The following GARRE1 variants were observed in gnomAD, a reference collection of about 807,000 sequenced individuals.
GARRE1 encodes the protein granule associated Rac and RHOG effector protein 1.
A neutral mutation model predicts 103.2 loss-of-function variants in GARRE1; 49 were observed. That is an observed-to-expected ratio of 0.47 (90% CI 0.38 to 0.60). The LOEUF (loss-of-function observed/expected upper bound fraction) is 0.60. GARRE1 is among the 20% of genes least tolerant of loss of function. The pLI, the probability that GARRE1 is intolerant of heterozygous loss-of-function variation, is 0.00. For missense variants in GARRE1, 1,199 were observed against 1,370.5 expected (o/e 0.87, Z 1.98); for synonymous variants, 505 against 532.8 (o/e 0.95, Z 0.72).
rs1414127709 is a variant in GARRE1, at chr19:34,263,167, C to T, written c.-796+8553C>T. ...GGTGGAGGTTGCAGTGAGCCAAGAT[C>T]GTGCCACTGCACTCCAGCCTGGGTG... On this transcript the variant is annotated intron_variant, in intron 1 of 13. Coordinates refer to ENST00000299505, the MANE Select transcript of GARRE1 (RefSeq NM_014686.5). Among the ~76,000 whole-genome samples, 10 of 152,050 alleles carry T rather than the reference C, an allele frequency of 6.6e-5. No individual in the cohort carries two copies. The South Asian group carries it at 1.0e-3, about 16-fold the overall frequency.
In GARRE1 at chr19:34,342,039, C is replaced by T; in HGVS notation, c.2105C>T (p.Ala702Val). 2 of 1,614,094 alleles carry T rather than the reference C, an allele frequency of 1.2e-6. No individual in the cohort carries two copies. Among genetic ancestry groups the T allele is most frequent in the Non-Finnish European group, 1.7e-6 (2 of 1,180,034 alleles). Residue 702 changes from alanine (A) to valine (V), a missense_variant, in exon 10 of 14, where the codon GCA becomes GTA. Coordinates refer to ENST00000299505, the MANE Select transcript of GARRE1 (RefSeq NM_014686.5). ...PSLPVPPPPR[A>V]PQAGAHTPLT... ...CTGCCTGTGCCCCCTCCACCACGGG[C>T]ACCCCAGGCTGGGGCACACACACCT... is the stretch of plus-strand genomic sequence containing the variant.
chr19:34,271,835 A>C (rs1326911429), intron 1 of GARRE1, among the ~76,000 whole-genome samples: 2 of 150,526 alleles, frequency 1.3e-5, no homozygotes, highest in Non-Finnish European at 3.0e-5. Flanking sequence ...TCTCAAAAAC[A>C]AAAACAAAAA....
At chr19:34,348,318 C>A in intron 11 of GARRE1, 2 of 296,104 alleles carry the variant, frequency 6.8e-6, no homozygotes, top group Non-Finnish European at 1.2e-5. Context: ...AAGGCTCTTA[C>A]ATGATGGTGC....
intron 1 of GARRE1, among the ~76,000 whole-genome samples, chr19:34,290,538 C>T (rs1405897829): frequency 6.6e-6 from 1 of 152,016 alleles, no homozygotes; most frequent in Non-Finnish European, 1.5e-5. Flanking sequence ...TACTCTGTTA[C>T]CCAGGCTGGA....
intron 11 of GARRE1, 52 bp from the exon 12 acceptor site, chr19:34,348,964 G>A (rs1277748537): frequency 5.6e-6 from 9 of 1,599,298 alleles, no homozygotes; most frequent in South Asian, 1.1e-5. Flanking sequence ...GTGGGGTGGC[G>A]GGTGGTGGGG....
At chr19:34,260,030 T>C (rs2073706232) in intron 1 of GARRE1, among the ~76,000 whole-genome samples, 1 of 152,226 alleles carries the variant, frequency 6.6e-6, no homozygotes, top group African/African-American at 2.4e-5. Context: ...GTGAATCAAT[T>C]AAGCCTCTTT....
intron 6 of GARRE1, 110 bp from the exon 7 acceptor site, chr19:34,330,079 A>T: frequency 1.0e-6 from 1 of 993,838 alleles, no homozygotes; most frequent in South Asian, 1.6e-5. Flanking sequence ...AAAAATACAT[A>T]AATAAAATGC....
chr19:34,303,023 G>A (rs1463503949), intron 2 of GARRE1, among the ~76,000 whole-genome samples: 2 of 152,120 alleles, frequency 1.3e-5, no homozygotes, highest in East Asian at 1.9e-4. Flanking sequence ...AGGATTACAG[G>A]TGTGAGCCAC....
chr19:34,328,072 T>C lies in GARRE1; in HGVS notation c.1025T>C (p.Val342Ala), dbSNP rs1192364012. 5 of 1,614,026 alleles carry C rather than the reference T, an allele frequency of 3.1e-6. No individual in the cohort carries two copies. The highest frequency in any genetic ancestry group is 8.5e-7 in the Non-Finnish European group (1 of 1,180,038). Residue 342 changes from valine (V) to alanine (A), a missense_variant, in exon 6 of 14, where the codon GTC becomes GCC. Transcript: ENST00000299505. ...CCCATGCAGTGTGAGCTCCCCACCG[T>C]CCCTGTGCAGATAGGATCGCACTTC... ...PQPMQCELPT[V>A]PVQIGSHFLK...
chr19:34,284,338 T>C (rs1482776489), intron 1 of GARRE1, among the ~76,000 whole-genome samples: 1 of 151,942 alleles, frequency 6.6e-6, no homozygotes, highest in Non-Finnish European at 1.5e-5. Context: ...TTGGCCAGAC[T>C]GGTCTCAAAC....
chr19:34,254,743 TCGGGGCCGCAGGGCG>T (rs2073659666), intron 1 of GARRE1, 129 bp downstream of exon 1: 3 of 147,294 alleles, frequency 2.0e-5, no homozygotes, highest in Admixed American at 2.0e-4. Flanking sequence ...GCCGCTCCGC[TCGGGGCCGCAGGGCG>T]CGGGGCCGTG....
At chr19:34,309,620 T>C (rs1242833746) in intron 2 of GARRE1, among the ~76,000 whole-genome samples, 1 of 152,146 alleles carries the variant, frequency 6.6e-6, no homozygotes, top group Non-Finnish European at 1.5e-5. Context: ...GATTATAGGC[T>C]TGAACCACTG....
intron 7 of GARRE1, among the ~76,000 whole-genome samples, chr19:34,331,214 A>G (rs948105281): frequency 1.3e-5 from 2 of 152,092 alleles, no homozygotes; most frequent in African/African-American, 4.8e-5. Context: ...AAAAAAAAGA[A>G]AAAAACATTA....
chr19:34,254,656 C>A (rs898842949), intron 1 of GARRE1, 42 bp downstream of exon 1: 1 of 35,986 alleles, frequency 2.8e-5, no homozygotes, highest in Non-Finnish European at 6.1e-5. Flanking sequence ...GGCTGGCGGG[C>A]GGGGTCGGGC....
At chr19:34,258,546 AG>A (rs1236774350) in intron 1 of GARRE1, among the ~76,000 whole-genome samples, 1 of 152,122 alleles carries the variant, frequency 6.6e-6, no homozygotes, top group African/African-American at 2.4e-5. Flanking sequence ...GCACTTTGGG[AG>A]GCCGAGGTGA....
Position 34,352,832 on chromosome 19 carries a change from C to T in GARRE1, c.3090C>T (p.Ala1030=). The change falls in exon 14 of 14, where the codon GCC becomes GCT. Residue 1030 remains alanine, a synonymous_variant. Coordinates refer to ENST00000299505, the MANE Select transcript of GARRE1 (RefSeq NM_014686.5). ...CAACCAACGACTGCAGTGCCGCTGC[C>T]TTCTCCTATGTGCAGACCCCACCCC... ...WAATNDCSAA[A]FSYVQTPPQP... The T allele has an allele frequency of 6.2e-7, 1 of 1,611,450 alleles. No homozygotes were observed. Among genetic ancestry groups the T allele is most frequent in the Non-Finnish European group, 8.5e-7 (1 of 1,178,798 alleles).
intron 1 of GARRE1, among the ~76,000 whole-genome samples, chr19:34,274,926 A>G (rs942344279): frequency 6.6e-6 from 1 of 152,194 alleles, no homozygotes; most frequent in East Asian, 1.9e-4. Context: ...GCCTGGATAG[A>G]TATTTTAAAT....
At chr19:34,297,483 T>TGG (rs2073953544) in intron 1 of GARRE1, among the ~76,000 whole-genome samples, 1 of 152,152 alleles carries the variant, frequency 6.6e-6, no homozygotes, top group African/African-American at 2.4e-5. Flanking sequence ...GTCAAAGGAA[T>TGG]GGGGGCAGGC....
At chr19:34,260,752 A>G (rs1286745694) in intron 1 of GARRE1, among the ~76,000 whole-genome samples, 2 of 152,250 alleles carry the variant, frequency 1.3e-5, no homozygotes, top group Non-Finnish European at 2.9e-5. Flanking sequence ...GTCAAAAGAT[A>G]TTTCGTAAAT....
Sources: gnomAD v4.1 joint callset for allele counts (sites outside exome capture counted in the v4.1 genomes callset) on GRCh38, gnomAD v4.1.1 for gene constraint, MANE v1.5 for transcripts, NCBI Gene and HGNC (gene_info 2026-07-23, HGNC 2026-07-21) for gene names.